Variants in STAG2 observed in about 807,000 individuals in gnomAD.
The protein encoded by STAG2 is STAG2 cohesin complex component.
Under a neutral mutation model 108.1 loss-of-function variants are expected in STAG2, and 14 were observed. The ratio of observed to expected loss-of-function variants is 0.13; its 90% CI spans 0.09 to 0.20. The LOEUF is 0.20. Ranked by LOEUF, STAG2 falls within the 10% of genes least tolerant of loss-of-function variation. The pLI is 1.00. For missense variants in STAG2, 440 were observed against 940.9 expected, an observed-to-expected ratio of 0.47 and a Z score of 6.96; for synonymous variants, 307 against 302.7, an observed-to-expected ratio of 1.01 and a Z score of -0.15.
intron 1 of STAG2, among the ~76,000 whole-genome samples, chrX:123,963,019 AT>A (rs2053937778): frequency 8.9e-6 from 1 of 111,765 alleles, no homozygotes; most frequent in Non-Finnish European, 1.9e-5. Flanking sequence ...CGAAAGAGGA[AT>A]CATCGAGGTT....
chrX:124,028,754 G>C (rs2057191273), intron 4 of STAG2, among the ~76,000 whole-genome samples: 1 of 102,816 alleles, frequency 9.7e-6, no homozygotes, highest in Non-Finnish European at 2.0e-5. Context: ...TCCGCAATCT[G>C]TGGCTTGTTT....
intron 1 of STAG2, among the ~76,000 whole-genome samples, chrX:123,967,238 G>A (rs2054138158): frequency 2.1e-5 from 2 of 96,430 alleles, no homozygotes; most frequent in African/African-American, 3.8e-5. Context: ...AAGAGAGGAT[G>A]AATAATGTCA....
intron 3 of STAG2, among the ~76,000 whole-genome samples, 199 bp from the exon 4 acceptor site, chrX:124,025,641 T>C (rs1359267405): frequency 9.0e-6 from 1 of 111,536 alleles, no homozygotes; most frequent in Non-Finnish European, 1.9e-5. Context: ...TTATTATTTT[T>C]GTAGCTGCTT....
intron 5 of STAG2, among the ~76,000 whole-genome samples, chrX:124,034,414 A>G (rs2057442146): frequency 1.8e-5 from 2 of 111,856 alleles, no homozygotes. Flanking sequence ...AATCTTTTCA[A>G]CAATTTTATT....
chrX:124,074,737 C>CT (rs755408690), intron 25 of STAG2, among the ~76,000 whole-genome samples: 6 of 111,865 alleles, frequency 5.4e-5, no homozygotes, highest in Non-Finnish European at 9.4e-5. Flanking sequence ...GTGTTAGGTA[C>CT]TTCTCTACAT....
At chrX:124,082,330 T>A (rs2058982650) in intron 28 of STAG2, among the ~76,000 whole-genome samples, 1 of 111,884 alleles carries the variant, frequency 8.9e-6, no homozygotes, top group Non-Finnish European at 1.9e-5. Context: ...AATTTAGTGA[T>A]CAATTGCACT....
chrX:124,008,190 T>TTTA (rs1306049084), intron 1 of STAG2, among the ~76,000 whole-genome samples: 2 of 109,588 alleles, frequency 1.8e-5, no homozygotes, highest in Non-Finnish European at 3.8e-5. Context: ...CTAGTTGCAA[T>TTTA]TTATTATTAT....
intron 29 of STAG2, among the ~76,000 whole-genome samples, chrX:124,084,820 T>G (rs2059059238): frequency 8.9e-6 from 1 of 112,495 alleles, no homozygotes; most frequent in South Asian, 3.7e-4. Flanking sequence ...TTAAGAAGTC[T>G]GATAGTGTCA....
At chrX:123,995,763 T>C (rs374492598) in intron 1 of STAG2, among the ~76,000 whole-genome samples, 1 of 112,203 alleles carries the variant, frequency 8.9e-6, no homozygotes, top group African/African-American at 3.2e-5. Context: ...ATAATATGAA[T>C]GGCGCTTAAA....
At position 124,006,013 on chromosome X, in the gene STAG2, C is replaced by CT. The variant is rs766279267; in HGVS notation, c.-162-15346dup. Reference sequence around the variant, plus strand: ...TGTGTATGTCTCTTTGCAAATTGTCCTTTTTTTTATTAGAGTACCACTCAT... The same window carrying CT: ...TGTGTATGTCTCTTTGCAAATTGTCCTTTTTTTTTATTAGAGTACCACTCAT... On this transcript the variant is annotated intron_variant, in intron 1 of 34. Coordinates refer to ENST00000371145, the MANE Select transcript of STAG2 (RefSeq NM_001042750.2). Among the ~76,000 whole-genome samples, 107 of 110,812 alleles carry CT rather than the reference C, an allele frequency of 9.7e-4. 4 individuals are homozygous for CT. Among genetic ancestry groups the CT allele is most frequent in the African/African-American group, 3.3e-4 (10 of 30,487 alleles).
rs2148311935 is a variant in STAG2 at position 124,061,820 on chromosome X, C to G, written c.1584C>G (p.Thr528=). Residue 528 remains threonine (T), a synonymous_variant, in exon 17 of 35, where the codon ACC becomes ACG. Coordinates refer to ENST00000371145, the MANE Select transcript of STAG2 (RefSeq NM_001042750.2). ...CTCTGATTGAAATAATGCTTTGTAC[C>G]ATTAGACAAGCGGCTGAATGTCATC... The part of the protein sequence containing the change: ...ESALIEIMLC[T]IRQAAECHPP... 1 of 1,158,236 alleles carries G rather than the reference C, an allele frequency of 8.6e-7. No individual in the cohort carries two copies. Among genetic ancestry groups the G allele is most frequent in the South Asian group, 1.8e-5 (1 of 54,618 alleles).
intron 1 of STAG2, among the ~76,000 whole-genome samples, chrX:123,990,734 T>C (rs997497424): frequency 1.3e-4 from 14 of 111,793 alleles, no homozygotes; most frequent in African/African-American, 4.6e-4. Context: ...GGAGTGTGTC[T>C]TACAGAGGAG....
At chrX:124,088,044 T>G (rs895139412) in intron 30 of STAG2, among the ~76,000 whole-genome samples, 43 of 112,195 alleles carry the variant, frequency 3.8e-4, no homozygotes, top group African/African-American at 1.4e-3. Context: ...AAAGAAACTT[T>G]TCTGTTTTTT....
intron 25 of STAG2, 142 bp from the exon 26 acceptor site, chrX:124,076,190 A>AT (rs746851385): frequency 1.7e-6 from 1 of 583,432 alleles, no homozygotes; most frequent in East Asian, 3.9e-5. Flanking sequence ...ATTGGAATAA[A>AT]TTATGAATGG....
intron 1 of STAG2, among the ~76,000 whole-genome samples, chrX:123,994,675 T>G (rs765080967): frequency 3.6e-5 from 4 of 112,063 alleles, no homozygotes; most frequent in Non-Finnish European, 3.8e-5. Flanking sequence ...TGTTTGAAAT[T>G]GAGTGATTCA....
chrX:124,096,898 G>T, intron 34 of STAG2, among the ~76,000 whole-genome samples: 1 of 112,399 alleles, frequency 8.9e-6, no homozygotes, highest in Non-Finnish European at 1.9e-5. Flanking sequence ...AGGCCAAGGG[G>T]CCGGGCTCAG....
intron 1 of STAG2, among the ~76,000 whole-genome samples, chrX:123,964,281 G>C (rs1022178512): frequency 2.7e-5 from 3 of 110,448 alleles, no homozygotes; most frequent in African/African-American, 6.6e-5. Flanking sequence ...ACGGGAACTA[G>C]TATAAAACAG....
chrX:123,967,732 C>T (rs1427340784), intron 1 of STAG2, among the ~76,000 whole-genome samples: 1 of 111,042 alleles, frequency 9.0e-6, no homozygotes, highest in Non-Finnish European at 1.9e-5. Context: ...ACCTGTTGCT[C>T]CTAGGCTACA....
intron 26 of STAG2, among the ~76,000 whole-genome samples, chrX:124,077,101 G>C (rs778513424): frequency 9.0e-6 from 1 of 111,554 alleles, no homozygotes; most frequent in South Asian, 3.7e-4. Flanking sequence ...AATTATAAAT[G>C]TAAACTTTTT....
Sources: allele counts gnomAD v4.1 joint callset (sites outside exome capture counted in the v4.1 genomes callset), GRCh38; gene constraint gnomAD v4.1.1; transcripts MANE v1.5; gene names NCBI Gene and HGNC (gene_info 2026-07-23, HGNC 2026-07-21).